The following GBE1 variants were observed in gnomAD, a reference collection of about 807,000 sequenced individuals.
The protein encoded by GBE1 is 1,4-alpha-glucan-branching enzyme.
GBE1 carries 70 observed loss-of-function variants against 88.8 expected under a neutral mutation model. That is an observed-to-expected ratio of 0.79 (90% CI 0.65 to 0.96). The LOEUF (loss-of-function observed/expected upper bound fraction) is 0.96. GBE1 is among the 40% of genes least tolerant of loss of function. The probability of loss-of-function intolerance (pLI) is 0.00; values close to 1 mark genes in which losing one functional copy is unlikely to be tolerated. For synonymous variants in GBE1, 284 were observed against 300.1 expected (o/e 0.95, Z 0.56); for missense variants, 872 against 871.0 (o/e 1.00, Z -0.01).
rs1703174837 is a variant in GBE1 at position 81,544,124 on chromosome 3, G to A, written c.1619-7029C>T. ...AACCATTCACTATATTAGAATGCCA[G>A]CAACTAGAAGAATGGGTCACAAGTA... On this transcript the variant is annotated intron_variant, in intron 12 of 15. Transcript: ENST00000429644. Among the ~76,000 whole-genome samples the A allele has an allele frequency of 2.0e-5, 3 of 152,090 alleles. No individual in the cohort carries two copies. In the South Asian group the frequency reaches 6.2e-4, roughly 32 times the overall value.
intron 7 of GBE1, among the ~76,000 whole-genome samples, chr3:81,637,545 A>C (rs1024099860): frequency 6.6e-6 from 1 of 152,012 alleles, no homozygotes; most frequent in Non-Finnish European, 1.5e-5. Context: ...AATAATACCA[A>C]ATTGTTTTCA....
chr3:81,517,277 G>C (rs537542708), intron 14 of GBE1, among the ~76,000 whole-genome samples: 1 of 151,558 alleles, frequency 6.6e-6, no homozygotes, highest in South Asian at 2.1e-4. Flanking sequence ...ACTTACAGAA[G>C]GCTCAGATGA....
chr3:81,715,826 C>T (rs942020850), intron 1 of GBE1, among the ~76,000 whole-genome samples: 5 of 151,944 alleles, frequency 3.3e-5, no homozygotes, highest in East Asian at 1.9e-4. Flanking sequence ...TTTTATGACA[C>T]GTTACATCTT....
chr3:81,672,229 T>A (rs1705199371), intron 2 of GBE1, among the ~76,000 whole-genome samples: 1 of 152,010 alleles, frequency 6.6e-6, no homozygotes, highest in South Asian at 2.1e-4. Flanking sequence ...AAATTGAAGA[T>A]ATCTTAACCC....
chr3:81,648,260 T>C (rs940264902), intron 5 of GBE1, among the ~76,000 whole-genome samples: 1 of 152,140 alleles, frequency 6.6e-6, no homozygotes, highest in African/African-American at 2.4e-5. Flanking sequence ...TATCATTACC[T>C]ATAAAAACAA....
chr3:81,642,623 T>C (rs568362767), intron 7 of GBE1, 158 bp downstream of exon 7: 47 of 596,676 alleles, frequency 7.9e-5, no homozygotes, highest in African/African-American at 7.9e-4. Flanking sequence ...ACATGTGCTA[T>C]ACAAAACAAG....
chr3:81,604,544 C>A (rs1363158717), intron 7 of GBE1, among the ~76,000 whole-genome samples: 1 of 151,924 alleles, frequency 6.6e-6, no homozygotes, highest in Non-Finnish European at 1.5e-5. Context: ...ACCTCGGTCT[C>A]CCAAATTGCT....
At chr3:81,513,638 T>C (rs751823182) in intron 14 of GBE1, among the ~76,000 whole-genome samples, 5 of 151,792 alleles carry the variant, frequency 3.3e-5, no homozygotes, top group Middle Eastern at 3.4e-3. Context: ...TACCTATTTG[T>C]CTTTCTTTTT....
intron 2 of GBE1, among the ~76,000 whole-genome samples, chr3:81,686,025 A>C (rs1332548717): frequency 1.3e-5 from 2 of 152,266 alleles, no homozygotes; most frequent in East Asian, 3.9e-4. Context: ...TTTCACTGGC[A>C]TTGGAAACTC....
At chr3:81,542,056 AC>A (rs1216736808) in intron 12 of GBE1, among the ~76,000 whole-genome samples, 1 of 152,102 alleles carries the variant, frequency 6.6e-6, no homozygotes, top group African/African-American at 2.4e-5. Flanking sequence ...GTCTATATCC[AC>A]ATCTGTATAT....
intron 15 of GBE1, 97 bp downstream of exon 15, chr3:81,499,013 T>C (rs375246551): frequency 1.6e-4 from 111 of 715,418 alleles, no homozygotes; most frequent in Non-Finnish European, 9.8e-5. Flanking sequence ...TTTTTTTCCA[T>C]GTTGCTTATT....
intron 12 of GBE1, among the ~76,000 whole-genome samples, chr3:81,575,831 A>G (rs1173201948): frequency 6.6e-6 from 1 of 152,226 alleles, no homozygotes; most frequent in Non-Finnish European, 1.5e-5. Context: ...CTCAGAAAAC[A>G]TACAAACAAA....
intron 12 of GBE1, among the ~76,000 whole-genome samples, chr3:81,570,881 C>T (rs1032702451): frequency 1.3e-5 from 2 of 152,086 alleles, no homozygotes; most frequent in African/African-American, 4.8e-5. Context: ...GTAAATGTGT[C>T]CCCATACATG....
intron 7 of GBE1, among the ~76,000 whole-genome samples, chr3:81,628,263 C>T (rs1704447228): frequency 6.6e-6 from 1 of 152,098 alleles, no homozygotes; most frequent in Non-Finnish European, 1.5e-5. Context: ...ATGTCTTTCT[C>T]TTCTTCAAGG....
chr3:81,546,639 C>A (rs1296518325), intron 12 of GBE1, among the ~76,000 whole-genome samples: 1 of 151,484 alleles, frequency 6.6e-6, no homozygotes, highest in Non-Finnish European at 1.5e-5. Flanking sequence ...CCCACCAGTG[C>A]CACAACAGTT....
chr3:81,551,434 C>G (rs191445840), intron 12 of GBE1, among the ~76,000 whole-genome samples: 268 of 152,260 alleles, frequency 1.8e-3, no homozygotes, highest in Admixed American at 2.4e-3. Flanking sequence ...CCCAGAATCA[C>G]TAAGCTAAAG....
At chr3:81,631,548 A>T (rs995203460) in intron 7 of GBE1, among the ~76,000 whole-genome samples, 7 of 151,972 alleles carry the variant, frequency 4.6e-5, no homozygotes, top group Non-Finnish European at 8.8e-5. Flanking sequence ...CATCCTGGCC[A>T]ACATGGTGAA....
At chr3:81,685,068 C>T (rs1705413540) in intron 2 of GBE1, among the ~76,000 whole-genome samples, 1 of 152,176 alleles carries the variant, frequency 6.6e-6, no homozygotes, top group Non-Finnish European at 1.5e-5. Flanking sequence ...AGAATGACAG[C>T]AAGCCAGAGA....
chr3:81,576,843 T>C (rs531782120), intron 12 of GBE1, among the ~76,000 whole-genome samples: 6 of 152,026 alleles, frequency 3.9e-5, no homozygotes, highest in African/African-American at 1.4e-4. Flanking sequence ...TTTCTCGGGG[T>C]TGGCTTCCTA....
Sources: allele counts gnomAD v4.1 joint callset (sites outside exome capture counted in the v4.1 genomes callset), GRCh38; gene constraint gnomAD v4.1.1; transcripts MANE v1.5; gene names NCBI Gene and HGNC (gene_info 2026-07-23, HGNC 2026-07-21).